The following LMO2 variants were observed in gnomAD, a reference collection of about 807,000 sequenced individuals.
The protein encoded by LMO2 is LIM domain only 2.
Under a neutral mutation model 23.2 loss-of-function variants are expected in LMO2, and 20 were observed. The observed-to-expected ratio is 0.86, with a 90% CI of 0.61 to 1.25. The LOEUF (loss-of-function observed/expected upper bound fraction) is 1.25. LMO2 is among the 50% of genes most tolerant of loss of function. The pLI is 0.00. For synonymous variants in LMO2, 123 were observed against 130.2 expected, an observed-to-expected ratio of 0.94 and a Z score of 0.38; for missense variants, 270 against 315.3, an observed-to-expected ratio of 0.86 and a Z score of 1.09.
At position 33,864,763 on chromosome 11, in the gene LMO2, G is replaced by C. The variant is rs1444712165; in HGVS notation, c.303C>G (p.Gly101=). 1 of 1,613,854 alleles carries C rather than the reference G, an allele frequency of 6.2e-7. No homozygotes were observed. Among genetic ancestry groups the C allele is most frequent in the Non-Finnish European group, 8.5e-7 (1 of 1,179,936 alleles). The change falls in exon 5 of 6, where the codon GGC becomes GGG. Residue 101 remains glycine, a synonymous_variant. Transcript: ENST00000257818. The surrounding 1 kb of genome is among the most constrained non-coding windows in gnomAD (Gnocchi z 4.8). ...AGCGGTCCCCAATGTTCTGCTGGCA[G>C]CCGCCGCATGTCAGCAGGGATGGGG... The part of the protein sequence containing the change: ...QIPPSLLTCG[G]CQQNIGDRYF...
intron 2 of LMO2, chr11:33,870,954 A>G: frequency 1.7e-6 from 1 of 591,650 alleles, no homozygotes. Flanking sequence ...CCTGGGCCTC[A>G]GAGTTCCTTG....
chr11:33,866,222 C>T (rs7932232), intron 4 of LMO2, among the ~76,000 whole-genome samples: 32,851 of 152,124 alleles, frequency 0.22, 3,593 homozygotes, highest in Middle Eastern at 0.3. Context: ...TGAAGTGTTC[C>T]TTATGAATAT....
intron 2 of LMO2, among the ~76,000 whole-genome samples, chr11:33,876,577 T>A (rs1221817929): frequency 6.6e-6 from 1 of 152,222 alleles, no homozygotes; most frequent in East Asian, 1.9e-4. Flanking sequence ...CATTTATATT[T>A]GGAACCAAGA....
intron 2 of LMO2, among the ~76,000 whole-genome samples, chr11:33,870,888 AGGG>A (rs930104684): frequency 6.6e-6 from 1 of 152,144 alleles, no homozygotes; most frequent in Non-Finnish European, 1.5e-5. Flanking sequence ...AGGAACGCAG[AGGG>A]GAAGCGGGGG....
rs918849554 is a variant in LMO2 at position 33,864,251 on chromosome 11, C to A, written c.464+351G>T. 2.6e-5 allele frequency among the ~76,000 whole-genome samples: 4 copies of A among 152,282 alleles called. No individual in the cohort carries two copies. Among genetic ancestry groups the A allele is most frequent in the Middle Eastern group, 3.4e-3 (1 of 294 alleles). Reference sequence around the variant, plus strand: ...GCCCACCTCCAAACTTAGAAACACTCCCAGTCCCTCTGATCCTCCGTGTGT... The same window carrying A: ...GCCCACCTCCAAACTTAGAAACACTACCAGTCCCTCTGATCCTCCGTGTGT... On this transcript the variant is annotated intron_variant, in intron 5 of 5. Transcript: ENST00000257818. The surrounding 1 kb of genome is among the most constrained non-coding windows in gnomAD (Gnocchi z 4.8).
chr11:33,859,942 T>C (rs1856509376), intron 5 of LMO2, among the ~76,000 whole-genome samples: 1 of 152,108 alleles, frequency 6.6e-6, no homozygotes, highest in African/African-American at 2.4e-5. Flanking sequence ...GGAACCCTCA[T>C]TTCAGAAGAG....
rs1252844735 is a variant in LMO2 at position 33,868,408 on chromosome 11, G to C, written c.248+938C>G. Among the ~76,000 whole-genome samples, 3 of 152,190 alleles carry C rather than the reference G, an allele frequency of 2.0e-5. 1 individual carries two copies. Among genetic ancestry groups the C allele is most frequent in the Non-Finnish European group, 4.4e-5 (3 of 68,028 alleles). On this transcript the variant is annotated intron_variant, in intron 4 of 5. Coordinates refer to ENST00000257818, the MANE Select transcript of LMO2 (RefSeq NM_005574.4). The stretch of plus-strand genomic sequence containing the variant: ...TAACAAATCCCTTCAAAGGATTAGA[G>C]GGGGACTTCAAAGGAATAAAAATTC...
rs1433665107 is a variant in LMO2, at chr11:33,880,307, A to C, written c.-272+1517T>G. On this transcript the variant is annotated intron_variant, in intron 2 of 5. Coordinates refer to ENST00000257818, the MANE Select transcript of LMO2 (RefSeq NM_005574.4). The surrounding 1 kb of genome is among the most constrained non-coding windows in gnomAD (Gnocchi z 4.3). ...TATCATATATATCATATATATACAT[A>C]TCATATATATACATGCAAACACATA... Among the ~76,000 whole-genome samples the C allele has an allele frequency of 6.9e-6, 1 of 145,940 alleles. No individual in the cohort carries two copies. The highest frequency in any genetic ancestry group is 1.5e-5 in the Non-Finnish European group (1 of 66,346).
At chr11:33,871,071 G>T in intron 2 of LMO2, 2 of 983,928 alleles carry the variant, frequency 2.0e-6, no homozygotes, top group Non-Finnish European at 2.4e-6. Flanking sequence ...TATATGATCA[G>T]TCTGGATCAT....
At chr11:33,889,256 T>C (rs1857486807) in intron 1 of LMO2, among the ~76,000 whole-genome samples, 1 of 152,062 alleles carries the variant, frequency 6.6e-6, no homozygotes, top group South Asian at 2.1e-4. Context: ...CAAGACACCG[T>C]CCCTACCCTT....
chr11:33,863,383 T>C (rs964589915), intron 5 of LMO2, among the ~76,000 whole-genome samples: 24 of 152,224 alleles, frequency 1.6e-4, no homozygotes, highest in African/African-American at 5.1e-4. Flanking sequence ...TAAAGCTTCC[T>C]TCACTGTGAA....
In LMO2 at chr11:33,859,150, G is replaced by T. The variant is rs1486621475; in HGVS notation, c.*206C>A. 1 of 547,778 alleles carries T rather than the reference G, an allele frequency of 1.8e-6. No individual in the cohort carries two copies. The highest frequency in any genetic ancestry group is 2.1e-5 in the South Asian group (1 of 47,260). 33.9% of individuals were successfully genotyped at this position (547,778 alleles called of 1,614,324 possible). A position where few individuals can be genotyped will look rare whatever the true frequency, so the allele number is the denominator to read the frequency against. On this transcript the variant is annotated 3_prime_UTR_variant, in exon 6 of 6. Coordinates refer to ENST00000257818, the MANE Select transcript of LMO2 (RefSeq NM_005574.4). ...TGTGGCCATAAGTTCTCCCTCAAGG[G>T]CTGGTCCTTCTGTCACCTTGAAGTG...
chr11:33,859,078 T>TA lies in LMO2; in HGVS notation c.*277dup. Reference sequence around the variant, plus strand: ...TGATAGCACAGCGCCTGCTTGCCCCTAAATGTTCCTTTCTTCTGCTAATCA... The same window carrying TA: ...TGATAGCACAGCGCCTGCTTGCCCCTAAAATGTTCCTTTCTTCTGCTAATCA... On this transcript the variant is annotated 3_prime_UTR_variant, in exon 6 of 6. Transcript: ENST00000257818. 1 of 438,858 alleles carries TA rather than the reference T, an allele frequency of 2.3e-6. No homozygotes were observed. Among genetic ancestry groups the TA allele is most frequent in the East Asian group, 3.8e-5 (1 of 26,626 alleles). 27.2% of individuals were successfully genotyped at this position (438,858 alleles called of 1,614,324 possible).
In LMO2 at chr11:33,869,796, C is replaced by G; in HGVS notation, c.-80G>C. On this transcript the variant is annotated 5_prime_UTR_variant, in exon 3 of 6. Transcript: ENST00000257818. ...GCGCCGCCCGCGGGGATGGTGTGCG[C>G]CCGCCCGGCCGCCCGGAGCCCCTCG... The G allele has an allele frequency of 1.8e-6, 2 of 1,126,260 alleles. No homozygotes were observed. Among genetic ancestry groups the G allele is most frequent in the Non-Finnish European group, 1.1e-6 (1 of 921,730 alleles). 69.8% of individuals were successfully genotyped at this position (1,126,260 alleles called of 1,614,324 possible). A position where few individuals can be genotyped will look rare whatever the true frequency, so the allele number is the denominator to read the frequency against.
chr11:33,879,246 C>T (rs995855057), intron 2 of LMO2, among the ~76,000 whole-genome samples: 1 of 152,098 alleles, frequency 6.6e-6, no homozygotes, highest in East Asian at 1.9e-4. Context: ...CATCAAAAGA[C>T]ACCATCAACA....
At chr11:33,860,551 C>T (rs554250244) in intron 5 of LMO2, among the ~76,000 whole-genome samples, 54 of 152,190 alleles carry the variant, frequency 3.5e-4, no homozygotes, top group South Asian at 2.5e-3. Flanking sequence ...ATCACTTGAG[C>T]TCACAAGTTC....
In LMO2 at chr11:33,864,974, AG is replaced by A; in HGVS notation, c.249-158del. The A allele has an allele frequency of 1.4e-6, 1 of 701,228 alleles. No homozygotes were observed. Among genetic ancestry groups the A allele is most frequent in the Non-Finnish European group, 2.5e-6 (1 of 395,270 alleles). 43.4% of individuals were successfully genotyped at this position (701,228 alleles called of 1,614,324 possible). On this transcript the variant is annotated intron_variant, in intron 4 of 5. Coordinates refer to ENST00000257818, the MANE Select transcript of LMO2 (RefSeq NM_005574.4). The surrounding 1 kb of genome is among the most constrained non-coding windows in gnomAD (Gnocchi z 4.8). ...ACAACACATCCCTTGGCCAGACTGC[AG>A]AGTCCCAACCAACCTTGGGTTAAGA...
intron 2 of LMO2, chr11:33,881,597 T>C: frequency 5.6e-6 from 2 of 356,534 alleles, no homozygotes; most frequent in Non-Finnish European, 5.5e-6. Flanking sequence ...TTATACACAC[T>C]GTCTCTCAGC....
At position 33,864,844 on chromosome 11, in the gene LMO2, C is replaced by T; in HGVS notation, c.249-27G>A. 2 of 1,599,852 alleles carry T rather than the reference C, an allele frequency of 1.3e-6. No individual in the cohort carries two copies. Among genetic ancestry groups the T allele is most frequent in the Non-Finnish European group, 1.7e-6 (2 of 1,169,454 alleles). On this transcript the variant is annotated intron_variant, in intron 4 of 5. Coordinates refer to ENST00000257818, the MANE Select transcript of LMO2 (RefSeq NM_005574.4). This position sits in a 1 kb window ranked among gnomAD's most constrained non-coding sequence, Gnocchi z 4.8. ...TGGAGAGAAGGCCAAGCATCAGGGA[C>T]AGCCTCACCAGAGTGAGACCAGCAC...
Sources: gnomAD v4.1 joint callset for allele counts (sites outside exome capture counted in the v4.1 genomes callset) on GRCh38, gnomAD v4.1.1 for gene constraint, Gnocchi (gnomAD v3.1) non-coding constraint, MANE v1.5 for transcripts, NCBI Gene and HGNC (gene_info 2026-07-23, HGNC 2026-07-21) for gene names.